Variants in ADAMTSL4 observed in about 807,000 individuals in gnomAD.
ADAMTSL4 encodes the protein ADAMTS like 4.
Under a neutral mutation model 122.8 loss-of-function variants are expected in ADAMTSL4, and 97 were observed. That is an observed-to-expected ratio of 0.79 (90% CI 0.67 to 0.93). The LOEUF (loss-of-function observed/expected upper bound fraction) is 0.93. Among genes scored for constraint, ADAMTSL4 ranks in the 40% least tolerant of loss-of-function variants. ADAMTSL4 has a pLI of 0.00. For synonymous variants in ADAMTSL4, 592 were observed against 568.0 expected, an observed-to-expected ratio of 1.04 and a Z score of -0.60; for missense variants, 1,408 against 1,453.5, an observed-to-expected ratio of 0.97 and a Z score of 0.51.
Position 150,559,011 on chromosome 1 carries a change from T to C in ADAMTSL4, c.2609T>C (p.Leu870Pro). 6.2e-7 allele frequency: 1 copy of C among 1,611,850 alleles called. No homozygotes were observed. The highest frequency in any genetic ancestry group is 1.1e-5 in the South Asian group (1 of 90,924). The change falls in exon 16 of 19, where the codon CTT becomes CCT. Residue 870 changes from leucine to proline, a missense_variant. Leu to Pro is a moderately conservative substitution (Grantham distance 98). Coordinates refer to ENST00000271643, the MANE Select transcript of ADAMTSL4 (RefSeq NM_019032.6). The surrounding 1 kb of genome is among the most constrained non-coding windows in gnomAD (Gnocchi z 4.1). Reference sequence around the variant, plus strand: ...ATCCAGCGGCGCTCTGTGGTCTGCCTTGGGAGTGGGGCAGCCCTCGGGCCA... The same window carrying C: ...ATCCAGCGGCGCTCTGTGGTCTGCCCTGGGAGTGGGGCAGCCCTCGGGCCA... ...TGIQRRSVVCLGSGAALGPGQ... is the reference protein window; with the variant it reads ...TGIQRRSVVCPGSGAALGPGQ...
rs369710144 is a variant in ADAMTSL4, at chr1:150,555,733, GCA to G, written c.1371+176_1371+177del. On this transcript the variant is annotated intron_variant, in intron 8 of 18. Coordinates refer to ENST00000271643, the MANE Select transcript of ADAMTSL4 (RefSeq NM_019032.6). ...CATGCACACACGCACACACACACAC[GCA>G]CACACACGCATATGCACACACATGC... 0.068 allele frequency among the ~76,000 whole-genome samples: 10,227 copies of G among 150,242 alleles called. 927 individuals are homozygous for G. Among genetic ancestry groups the G allele is most frequent in the African/African-American group, 0.2 (8,132 of 40,590 alleles).
At position 150,554,609 on chromosome 1, in the gene ADAMTSL4, G is replaced by GA. The variant is rs1408704134; in HGVS notation, c.1234+142_1234+143insA. 6.5e-7 allele frequency: 1 copy of GA among 1,547,378 alleles called. No individual in the cohort carries two copies. The highest frequency in any genetic ancestry group is 2.0e-5 in the Admixed American group (1 of 50,994). On this transcript the variant is annotated intron_variant, in intron 7 of 18. Transcript: ENST00000271643. This position sits in a 1 kb window ranked among gnomAD's most constrained non-coding sequence, Gnocchi z 4.0. Reference sequence around the variant, plus strand: ...GCCATGCCTTCTTTCTTCTCCCTGGGGCTGGGTCAGGAGACAGCACAGGTG... The same window carrying GA: ...GCCATGCCTTCTTTCTTCTCCCTGGGAGCTGGGTCAGGAGACAGCACAGGTG...
rs587736074 is a variant in ADAMTSL4, at chr1:150,552,395, C to G, written c.20+87C>G. 2.0e-6 allele frequency: 3 copies of G among 1,534,442 alleles called. No homozygotes were observed. In the Admixed American group the frequency reaches 5.8e-5, roughly 30 times the overall value. On this transcript the variant is annotated intron_variant, in intron 3 of 18. Coordinates refer to ENST00000271643, the MANE Select transcript of ADAMTSL4 (RefSeq NM_019032.6). This position sits in a 1 kb window ranked among gnomAD's most constrained non-coding sequence, Gnocchi z 4.0. Reference sequence around the variant, plus strand: ...TCTGGAAGTGAGGGAAAGGGGACCACTGGGAGGGGCAGGGGAAGTGATGAG... The same window carrying G: ...TCTGGAAGTGAGGGAAAGGGGACCAGTGGGAGGGGCAGGGGAAGTGATGAG...
At position 150,556,491 on chromosome 1, in the gene ADAMTSL4, G is replaced by C; in HGVS notation, c.1576+125G>C. On this transcript the variant is annotated intron_variant, in intron 9 of 18. Coordinates refer to ENST00000271643, the MANE Select transcript of ADAMTSL4 (RefSeq NM_019032.6). This position sits in a 1 kb window ranked among gnomAD's most constrained non-coding sequence, Gnocchi z 4.1. ...CCTAGCCCCTCCCCTCGTGGAAGGA[G>C]TGAGGAAGCTGAGAGGGCTTGGGGG... The C allele has an allele frequency of 1.3e-6, 2 of 1,567,760 alleles. No individual in the cohort carries two copies. Among genetic ancestry groups the C allele is most frequent in the Non-Finnish European group, 1.8e-6 (2 of 1,142,818 alleles).
intron 13 of ADAMTSL4, 30 bp from the exon 14 acceptor site, chr1:150,557,915 G>A (rs1254847739): frequency 4.4e-6 from 7 of 1,595,034 alleles, no homozygotes; most frequent in African/African-American, 2.7e-5. Flanking sequence ...CTATGTCTCC[G>A]CCTCTTCCCT....
intron 8 of ADAMTSL4, chr1:150,555,806 A>AACACATGCACACACACGTATGCAG (rs925415859): frequency 1.6e-5 from 10 of 633,946 alleles, no homozygotes; most frequent in African/African-American, 1.3e-4. Flanking sequence ...CACGTGCATG[A>AACACATGCACACACACGTATGCAG]ACACATGCAC....
In ADAMTSL4 at chr1:150,559,496, G is replaced by C; in HGVS notation, c.2943+30G>C. On this transcript the variant is annotated intron_variant, in intron 17 of 18. Coordinates refer to ENST00000271643, the MANE Select transcript of ADAMTSL4 (RefSeq NM_019032.6). The surrounding 1 kb of genome is among the most constrained non-coding windows in gnomAD (Gnocchi z 4.1). ...GTGTCTGGCTGCGCTGTCCTGCCCT[G>C]CTCAGCCTGGGCCCCTAGGGGAGGG... The C allele has an allele frequency of 1.2e-6, 2 of 1,611,652 alleles. No homozygotes were observed. Among genetic ancestry groups the C allele is most frequent in the Non-Finnish European group, 1.7e-6 (2 of 1,179,814 alleles).
In ADAMTSL4 at chr1:150,553,872, T is replaced by C. The variant is rs1671707521; in HGVS notation, c.881T>C (p.Val294Ala). Residue 294 changes from valine (V) to alanine (A), a missense_variant, in exon 6 of 19, where the codon GTA (valine) becomes GCA (alanine). Transcript: ENST00000271643. ...PSSQGWASPQ[V>A]AGRRPDPFPS... ...TCCCAGGGTTGGGCCAGTCCCCAGG[T>C]AGCAGGGAGACGCCCTGATCCTTTT... 1 of 1,613,792 alleles carries C rather than the reference T, an allele frequency of 6.2e-7. No individual in the cohort carries two copies. The highest frequency in any genetic ancestry group is 8.5e-7 in the Non-Finnish European group (1 of 1,179,988).
At chr1:150,551,387 G>C (rs1671390661) in intron 2 of ADAMTSL4, 1 of 243,524 alleles carries the variant, frequency 4.1e-6, no homozygotes, top group South Asian at 4.8e-5. Flanking sequence ...GTGCCTGGAT[G>C]TTCCCTAAAG....
Position 150,549,549 on chromosome 1 carries a change from C to G in ADAMTSL4, c.-159+50C>G, listed in dbSNP as rs972080217. 6.6e-6 allele frequency: 1 copy of G among 152,242 alleles called. No homozygotes were observed. The highest frequency in any genetic ancestry group is 1.5e-5 in the Non-Finnish European group (1 of 68,132). The allele number at this position is 152,242 out of a possible 1,614,324, so 9.4% of individuals were successfully genotyped here. A position where few individuals can be genotyped will look rare whatever the true frequency, so the allele number is the denominator to read the frequency against. On this transcript the variant is annotated intron_variant, in intron 1 of 18. Coordinates refer to ENST00000271643, the MANE Select transcript of ADAMTSL4 (RefSeq NM_019032.6). The surrounding 1 kb of genome is among the most constrained non-coding windows in gnomAD (Gnocchi z 5.0). ...CCCCGGCCGCCCCTCTCCCGGGTCC[C>G]GTTAGACCGCCCGCCCCGCGCGCCC...
chr1:150,553,683 T>C lies in ADAMTSL4; in HGVS notation c.692T>C (p.Leu231Pro). 6.2e-7 allele frequency: 1 copy of C among 1,608,308 alleles called. No individual in the cohort carries two copies. The highest frequency in any genetic ancestry group is 8.5e-7 in the Non-Finnish European group (1 of 1,178,470). The change falls in exon 6 of 19, where the codon CTA becomes CCA. Residue 231 changes from leucine (L) to proline (P), a missense_variant. Coordinates refer to ENST00000271643, the MANE Select transcript of ADAMTSL4 (RefSeq NM_019032.6). ...VHTPSPQAEPLSPETAQTEVA... is the reference protein window; with the variant it reads ...VHTPSPQAEPPSPETAQTEVA... ...ACCCCATCCCCCCAAGCAGAACCTC[T>C]AAGCCCTGAAACTGCTCAGACAGAG...
chr1:150,557,835 C>G (rs1285985380), intron 13 of ADAMTSL4, 110 bp from the exon 14 acceptor site: 1 of 1,443,652 alleles, frequency 6.9e-7, no homozygotes, highest in Non-Finnish European at 9.4e-7. Context: ...AACGTGCCCA[C>G]TCTCCTCTGA....
chr1:150,556,516 G>C lies in ADAMTSL4; in HGVS notation c.1577-105G>C. The C allele has an allele frequency of 6.3e-7, 1 of 1,576,802 alleles. No individual in the cohort carries two copies. Among genetic ancestry groups the C allele is most frequent in the Non-Finnish European group, 8.7e-7 (1 of 1,149,086 alleles). ...GTGAGGAAGCTGAGAGGGCTTGGGGGGATCTTAGGTTCTGGTGGGAGCTTC... is the reference window on the plus strand; with the variant it reads ...GTGAGGAAGCTGAGAGGGCTTGGGGCGATCTTAGGTTCTGGTGGGAGCTTC... On this transcript the variant is annotated intron_variant, in intron 9 of 18. Coordinates refer to ENST00000271643, the MANE Select transcript of ADAMTSL4 (RefSeq NM_019032.6). This position sits in a 1 kb window ranked among gnomAD's most constrained non-coding sequence, Gnocchi z 4.1.
rs751588281 is a variant in ADAMTSL4 at position 150,557,382 on chromosome 1, A to G, written c.2047+47A>G. On this transcript the variant is annotated intron_variant, in intron 12 of 18. Coordinates refer to ENST00000271643, the MANE Select transcript of ADAMTSL4 (RefSeq NM_019032.6). The stretch of plus-strand genomic sequence containing the variant: ...CCCGCATCTCGGTCCAAACCCCCCA[A>G]CTGACACTCCCGCATCCTGGATTGT... 1.1e-4 allele frequency: 171 copies of G among 1,602,370 alleles called. 3 individuals are homozygous for G. In the South Asian group the frequency reaches 1.8e-3, roughly 17 times the overall value.
At chr1:150,558,339 C>T (rs1451103077) in intron 14 of ADAMTSL4, 134 bp from the exon 15 acceptor site, 6 of 1,532,192 alleles carry the variant, frequency 3.9e-6, no homozygotes, top group Admixed American at 3.9e-5. Context: ...GGCTCAGCCT[C>T]CTCCTCAGCC....
Position 150,557,286 on chromosome 1 carries a change from G to A in ADAMTSL4, c.1998G>A (p.Ala666=), listed in dbSNP as rs374312050. ...GGACACCCCTGGGGTCTCCAGCTGCGTACTGGAAACGAGTGGGACACTCTG... is the reference window on the plus strand; with the variant it reads ...GGACACCCCTGGGGTCTCCAGCTGCATACTGGAAACGAGTGGGACACTCTG... ...HPRTPLGSPA[A]YWKRVGHSAC... Residue 666 remains alanine, a synonymous_variant, in exon 12 of 19, where the codon GCG becomes GCA. Transcript: ENST00000271643. The A allele has an allele frequency of 6.1e-5, 98 of 1,612,204 alleles. No individual in the cohort carries two copies. The highest frequency in any genetic ancestry group is 7.7e-5 in the South Asian group (7 of 90,866).
At position 150,557,600 on chromosome 1, in the gene ADAMTSL4, C is replaced by T; in HGVS notation, c.2154C>T (p.Cys718=). ...GARPPASPEP[C]HGTPCPPYWE... is the part of the protein sequence containing the mutation. ...GGCCCCCAGCCTCCCCTGAACCCTGCCACGGCACCCCATGCCCCCCATAGT... is the reference window on the plus strand; with the variant it reads ...GGCCCCCAGCCTCCCCTGAACCCTGTCACGGCACCCCATGCCCCCCATAGT... Residue 718 remains cysteine, a synonymous_variant, in exon 13 of 19, where the codon TGC becomes TGT. Coordinates refer to ENST00000271643, the MANE Select transcript of ADAMTSL4 (RefSeq NM_019032.6). 4 of 1,601,062 alleles carry T rather than the reference C, an allele frequency of 2.5e-6. No homozygotes were observed. The highest frequency in any genetic ancestry group is 3.4e-6 in the Non-Finnish European group (4 of 1,174,212).
In ADAMTSL4 at chr1:150,560,403, T is replaced by G; in HGVS notation, c.*207T>G. ...GTGGTGTGATGGGTGTGTGCACATA[T>G]GCCTCAGGTGTGCTTTTGGGACTGC... On this transcript the variant is annotated 3_prime_UTR_variant, in exon 19 of 19. Coordinates refer to ENST00000271643, the MANE Select transcript of ADAMTSL4 (RefSeq NM_019032.6). 2 of 711,116 alleles carry G rather than the reference T, an allele frequency of 2.8e-6. No individual in the cohort carries two copies. The highest frequency in any genetic ancestry group is 5.7e-5 in the Admixed American group (2 of 34,966). 44.1% of individuals were successfully genotyped at this position (711,116 alleles called of 1,614,324 possible). A position where few individuals can be genotyped will look rare whatever the true frequency, so the allele number is the denominator to read the frequency against.
chr1:150,556,493 G>C lies in ADAMTSL4; in HGVS notation c.1576+127G>C. On this transcript the variant is annotated intron_variant, in intron 9 of 18. Coordinates refer to ENST00000271643, the MANE Select transcript of ADAMTSL4 (RefSeq NM_019032.6). This position sits in a 1 kb window ranked among gnomAD's most constrained non-coding sequence, Gnocchi z 4.1. ...TAGCCCCTCCCCTCGTGGAAGGAGTGAGGAAGCTGAGAGGGCTTGGGGGGA... is the reference window on the plus strand; with the variant it reads ...TAGCCCCTCCCCTCGTGGAAGGAGTCAGGAAGCTGAGAGGGCTTGGGGGGA... 6.4e-7 allele frequency: 1 copy of C among 1,567,138 alleles called. No homozygotes were observed. The highest frequency in any genetic ancestry group is 8.8e-7 in the Non-Finnish European group (1 of 1,142,310).
Sources: gnomAD v4.1 joint callset for allele counts (sites outside exome capture counted in the v4.1 genomes callset) on GRCh38, gnomAD v4.1.1 for gene constraint, Gnocchi (gnomAD v3.1) non-coding constraint, MANE v1.5 for transcripts, NCBI Gene and HGNC (gene_info 2026-07-23, HGNC 2026-07-21) for gene names.